Variants in DMD observed in about 807,000 individuals in gnomAD.
DMD encodes the protein mutant dystrophin.
Under a neutral mutation model 330.1 loss-of-function variants are expected in DMD, and 63 were observed. That is an observed-to-expected ratio of 0.19 (90% confidence interval 0.16 to 0.24). DMD has a LOEUF of 0.24. Among genes scored for constraint, DMD ranks in the 10% least tolerant of loss-of-function variants. DMD has a pLI of 1.00. For synonymous variants in DMD, 1,223 were observed against 959.8 expected, an observed-to-expected ratio of 1.27 and a Z score of -5.07; for missense variants, 3,344 against 2,684.1, an observed-to-expected ratio of 1.25 and a Z score of -5.43.
chrX:33,301,653 C>T (rs947439725), intron 1 of DMD, among the ~76,000 whole-genome samples: 5 of 111,677 alleles, frequency 4.5e-5, no homozygotes, highest in Non-Finnish European at 7.5e-5. Context: ...GTCTCTGCTT[C>T]GAAGATGATG....
intron 59 of DMD, among the ~76,000 whole-genome samples, chrX:31,461,010 C>T (rs192065207): frequency 2.2e-3 from 243 of 111,307 alleles, no homozygotes; most frequent in Middle Eastern, 4.6e-3. Flanking sequence ...AATAAACCAC[C>T]GTCAAAGTCT....
intron 1 of DMD, among the ~76,000 whole-genome samples, chrX:33,237,619 A>G (rs1171881768): frequency 8.9e-6 from 1 of 111,761 alleles, no homozygotes; most frequent in Non-Finnish European, 1.9e-5. Flanking sequence ...GAATATAGGA[A>G]TGAACTTAAT....
intron 44 of DMD, among the ~76,000 whole-genome samples, chrX:32,068,589 T>C (rs1015339886): frequency 1.8e-5 from 2 of 110,521 alleles, no homozygotes; most frequent in African/African-American, 6.6e-5. Flanking sequence ...TTTATTTATG[T>C]GTTCTCTATT....
intron 25 of DMD, among the ~76,000 whole-genome samples, chrX:32,460,611 T>G (rs1014330798): frequency 1.8e-5 from 2 of 111,077 alleles, no homozygotes; most frequent in Non-Finnish European, 3.8e-5. Context: ...CTGGCTTCCT[T>G]TGAGCTCCTC....
chrX:32,833,718 C>T (rs1334723149), intron 4 of DMD, among the ~76,000 whole-genome samples: 2 of 101,188 alleles, frequency 2.0e-5, no homozygotes, highest in Non-Finnish European at 4.0e-5. Context: ...AAAGCAATAG[C>T]TACAATAAAA....
chrX:32,527,323 T>A (rs2047013221), intron 17 of DMD, among the ~76,000 whole-genome samples: 1 of 112,323 alleles, frequency 8.9e-6, no homozygotes, highest in East Asian at 2.8e-4. Flanking sequence ...ATTTTCCAAC[T>A]TTGCTGTATT....
chrX:32,475,628 T>G (rs1035169796), intron 21 of DMD, among the ~76,000 whole-genome samples: 1 of 111,219 alleles, frequency 9.0e-6, no homozygotes, highest in African/African-American at 3.3e-5. Flanking sequence ...TTTATTTTAT[T>G]TTTTGCAGCT....
intron 29 of DMD, among the ~76,000 whole-genome samples, chrX:32,418,863 C>T (rs780080918): frequency 2.9e-5 from 3 of 105,196 alleles, no homozygotes; most frequent in African/African-American, 1.1e-4. Flanking sequence ...GTCCCAGCTA[C>T]GCAGGAGGCT....
intron 69 of DMD, among the ~76,000 whole-genome samples, chrX:31,180,075 G>C (rs2040994610): frequency 9.0e-6 from 1 of 111,208 alleles, no homozygotes; most frequent in African/African-American, 3.3e-5. Context: ...AACCTCTAAG[G>C]CTGTGCAAAA....
chrX:32,336,066 C>T (rs1477075174), intron 41 of DMD, among the ~76,000 whole-genome samples: 1 of 102,419 alleles, frequency 9.8e-6, no homozygotes, highest in Non-Finnish European at 2.0e-5. Context: ...TTATATATAA[C>T]GTGTGTATAA....
intron 11 of DMD, among the ~76,000 whole-genome samples, chrX:32,615,365 G>A (rs2057481962): frequency 9.0e-6 from 1 of 110,956 alleles, no homozygotes; most frequent in Non-Finnish European, 1.9e-5. Context: ...GTTCTTAAAC[G>A]TTCTCAATTA....
rs1167550498 is a variant in DMD, at chrX:31,559,640, C to CAAAAAA, written c.8218-52193_8218-52188dup. On this transcript the variant is annotated intron_variant, in intron 55 of 78. Coordinates refer to ENST00000357033, the MANE Select transcript of DMD (RefSeq NM_004006.3). ...TGGGCGACAGAGCGAAACTCCGTCT[C>CAAAAAA]AAAAAAAAAAAAAAAAAAAAAAAAA... 1.4e-3 allele frequency among the ~76,000 whole-genome samples: 31 copies of CAAAAAA among 21,637 alleles called. 2 individuals carry two copies. Among genetic ancestry groups the CAAAAAA allele is most frequent in the Non-Finnish European group, 2.6e-3 (25 of 9,546 alleles). The allele number at this position is 21,637 out of a possible 115,157, so 18.8% of individuals were successfully genotyped here.
At chrX:31,918,276 TG>T (rs1443999446) in intron 47 of DMD, among the ~76,000 whole-genome samples, 3 of 112,213 alleles carry the variant, frequency 2.7e-5, no homozygotes, top group Non-Finnish European at 5.6e-5. Context: ...AATGCATCAC[TG>T]TTGGACAAAT....
chrX:32,846,511 C>CT (rs2080682723), intron 3 of DMD, among the ~76,000 whole-genome samples: 1 of 110,676 alleles, frequency 9.0e-6, no homozygotes, highest in African/African-American at 3.3e-5. Flanking sequence ...AGCCATCTTA[C>CT]TCTCCAAGGT....
intron 9 of DMD, among the ~76,000 whole-genome samples, chrX:32,652,406 G>A (rs1027331696): frequency 1.9e-5 from 2 of 106,626 alleles, no homozygotes; most frequent in Non-Finnish European, 3.9e-5. Context: ...TTGTCCTTGC[G>A]TTAGCTTGCT....
chrX:33,072,700 C>A (rs778657606), intron 1 of DMD, among the ~76,000 whole-genome samples: 1 of 111,411 alleles, frequency 9.0e-6, no homozygotes, highest in African/African-American at 3.3e-5. Context: ...GGCTACGGAG[C>A]AGCTCGGTGA....
intron 2 of DMD, among the ~76,000 whole-genome samples, chrX:32,945,662 T>C (rs1482224238): frequency 8.9e-6 from 1 of 111,851 alleles, no homozygotes; most frequent in African/African-American, 3.2e-5. Flanking sequence ...ACAATATTTT[T>C]CATGCTTATA....
intron 11 of DMD, among the ~76,000 whole-genome samples, chrX:32,622,509 A>C (rs1253438464): frequency 8.9e-6 from 1 of 112,067 alleles, no homozygotes; most frequent in Non-Finnish European, 1.9e-5. Context: ...ATTAGCTACA[A>C]ATATCAAATC....
chrX:32,467,580 A>G (rs2040161716), intron 23 of DMD, among the ~76,000 whole-genome samples: 1 of 109,463 alleles, frequency 9.1e-6, no homozygotes, highest in Non-Finnish European at 1.9e-5. Flanking sequence ...TATGTGATAT[A>G]TATTACATTA....
Sources: allele counts gnomAD v4.1 joint callset (sites outside exome capture counted in the v4.1 genomes callset), GRCh38; gene constraint gnomAD v4.1.1; transcripts MANE v1.5; gene names NCBI Gene and HGNC (gene_info 2026-07-23, HGNC 2026-07-21).